The following NRG3 variants were observed in gnomAD, a reference collection of about 807,000 sequenced individuals.
The protein encoded by NRG3 is neuregulin 3.
A neutral mutation model predicts 66.9 loss-of-function variants in NRG3; 31 were observed. That is an observed-to-expected ratio of 0.46 (90% CI 0.35 to 0.63). The LOEUF (loss-of-function observed/expected upper bound fraction) is 0.63. Among genes scored for constraint, NRG3 ranks in the 20% least tolerant of loss-of-function variants. The pLI is 0.00. For missense variants in NRG3, 910 were observed against 878.9 expected (o/e 1.04, Z -0.45); for synonymous variants, 393 against 359.4 (o/e 1.09, Z -1.06).
intron 1 of NRG3, among the ~76,000 whole-genome samples, chr10:82,000,986 A>G (rs2061141716): frequency 1.3e-5 from 2 of 152,174 alleles, no homozygotes; most frequent in Non-Finnish European, 2.9e-5. Context: ...TTGTATGGAA[A>G]TTCCAAACTA....
intron 2 of NRG3, among the ~76,000 whole-genome samples, chr10:82,529,653 T>G (rs1463741012): frequency 6.6e-6 from 1 of 152,176 alleles, no homozygotes; most frequent in Non-Finnish European, 1.5e-5. Context: ...AGCAAAATGT[T>G]TCTCTACATT....
chr10:82,168,298 G>C (rs1041812019), intron 1 of NRG3, among the ~76,000 whole-genome samples: 9 of 152,046 alleles, frequency 5.9e-5, no homozygotes, highest in African/African-American at 1.7e-4. Context: ...TGGGTAGGTG[G>C]CTGGGAATTG....
At chr10:82,712,522 A>T (rs1293699311) in intron 2 of NRG3, among the ~76,000 whole-genome samples, 1 of 152,214 alleles carries the variant, frequency 6.6e-6, no homozygotes, top group Non-Finnish European at 1.5e-5. Context: ...CGAAGGAGTA[A>T]ATCTGAGCTG....
intron 7 of NRG3, 77 bp downstream of exon 7, chr10:82,973,992 C>A: frequency 1.3e-6 from 2 of 1,536,486 alleles, no homozygotes; most frequent in Non-Finnish European, 1.8e-6. Flanking sequence ...CAAGGACTGG[C>A]AGCATGACTT....
chr10:82,679,167 C>T (rs1316779571), intron 2 of NRG3, among the ~76,000 whole-genome samples: 1 of 152,122 alleles, frequency 6.6e-6, no homozygotes, highest in African/African-American at 2.4e-5. Context: ...AGTAGATGCT[C>T]AGGAAGTGTT....
At chr10:82,002,694 A>G (rs931734289) in intron 1 of NRG3, among the ~76,000 whole-genome samples, 1 of 152,234 alleles carries the variant, frequency 6.6e-6, no homozygotes, top group African/African-American at 2.4e-5. Flanking sequence ...TCACTGAGCC[A>G]TATCAGAACA....
intron 1 of NRG3, among the ~76,000 whole-genome samples, chr10:82,236,065 C>T (rs1409581011): frequency 6.6e-6 from 1 of 152,066 alleles, no homozygotes; most frequent in African/African-American, 2.4e-5. Flanking sequence ...CTTGTGTCCA[C>T]TGTTTCTAAT....
At chr10:82,589,242 G>A (rs2046849206) in intron 2 of NRG3, among the ~76,000 whole-genome samples, 1 of 152,138 alleles carries the variant, frequency 6.6e-6, no homozygotes, top group Non-Finnish European at 1.5e-5. Flanking sequence ...CACAACCCAA[G>A]GCATTCATTA....
chr10:81,910,122 T>G (rs1844986194), intron 1 of NRG3, among the ~76,000 whole-genome samples: 1 of 152,158 alleles, frequency 6.6e-6, no homozygotes. Context: ...CAATTAGCAT[T>G]TTAAGGTCAA....
intron 2 of NRG3, among the ~76,000 whole-genome samples, chr10:82,600,305 C>T (rs1177005882): frequency 6.6e-6 from 1 of 152,044 alleles, no homozygotes; most frequent in African/African-American, 2.4e-5. Context: ...ATTGACGACA[C>T]ATATTAACAT....
chr10:82,239,501 ATT>A (rs926221738), intron 1 of NRG3, among the ~76,000 whole-genome samples: 2 of 151,654 alleles, frequency 1.3e-5, no homozygotes, highest in African/African-American at 4.8e-5. Context: ...CTTTACAACC[ATT>A]TTTTTTGCCA....
In NRG3 at chr10:82,984,973, C is replaced by A. The variant is rs145040094; in HGVS notation, c.1584-125C>A. 303 of 1,304,682 alleles carry A rather than the reference C, an allele frequency of 2.3e-4. 1 individual carries two copies. The African/African-American group carries it at 3.9e-3, about 17-fold the overall frequency. The allele number at this position is 1,304,682 out of a possible 1,614,324, so 80.8% of individuals were successfully genotyped here. On this transcript the variant is annotated intron_variant, in intron 8 of 8. Transcript: ENST00000372141. The stretch of plus-strand genomic sequence containing the variant: ...TCTGTTTAACTGGGAACCTATTATC[C>A]GTCTCATGGGGTTGCTGTGAGAATT...
At chr10:82,140,363 G>A (rs1467309723) in intron 1 of NRG3, among the ~76,000 whole-genome samples, 1 of 152,068 alleles carries the variant, frequency 6.6e-6, no homozygotes, top group Non-Finnish European at 1.5e-5. Flanking sequence ...TTTAACAGTG[G>A]CTTCTTGATC....
chr10:82,680,577 A>T (rs537714878), intron 2 of NRG3, among the ~76,000 whole-genome samples: 58 of 152,324 alleles, frequency 3.8e-4, no homozygotes, highest in African/African-American at 1.3e-3. Context: ...CATGATTTTA[A>T]TCTTTATTCT....
At chr10:82,054,622 TC>T (rs1368767426) in intron 1 of NRG3, among the ~76,000 whole-genome samples, 4 of 151,978 alleles carry the variant, frequency 2.6e-5, no homozygotes, top group African/African-American at 9.7e-5. Context: ...AATATTGAGC[TC>T]CAAGGGACTC....
chr10:82,333,236 C>G (rs1209742879), intron 1 of NRG3, among the ~76,000 whole-genome samples: 1 of 152,192 alleles, frequency 6.6e-6, no homozygotes, highest in African/African-American at 2.4e-5. Flanking sequence ...AGCTCAGGAT[C>G]TCCCCAGTGG....
chr10:82,398,536 A>T (rs1232622855), intron 2 of NRG3, among the ~76,000 whole-genome samples: 2 of 150,922 alleles, frequency 1.3e-5, no homozygotes, highest in African/African-American at 4.9e-5. Context: ...TGAGAGAGAG[A>T]GAGAGAGAGT....
At chr10:82,730,491 A>T (rs1591340239) in intron 2 of NRG3, among the ~76,000 whole-genome samples, 2 of 152,332 alleles carry the variant, frequency 1.3e-5, no homozygotes, top group African/African-American at 4.8e-5. Flanking sequence ...GATGTATTTG[A>T]AATCTATTGA....
chr10:82,816,666 T>G (rs1052446369), intron 3 of NRG3, among the ~76,000 whole-genome samples: 1 of 152,142 alleles, frequency 6.6e-6, no homozygotes, highest in African/African-American at 2.4e-5. Flanking sequence ...CCTACTTCCT[T>G]AATCATGTTG....
Sources: gnomAD v4.1 joint callset for allele counts (sites outside exome capture counted in the v4.1 genomes callset) on GRCh38, gnomAD v4.1.1 for gene constraint, MANE v1.5 for transcripts, NCBI Gene and HGNC (gene_info 2026-07-23, HGNC 2026-07-21) for gene names.